MAT2B: variants seen among roughly 807,000 people sequenced by gnomAD.
The protein encoded by MAT2B is methionine adenosyltransferase 2 non-catalytic beta subunit, also known as methionine adenosyltransferase 2 subunit beta.
A neutral mutation model predicts 36.1 loss-of-function variants in MAT2B; 16 were observed. That is an observed-to-expected ratio of 0.44 (90% CI 0.30 to 0.67). The LOEUF (loss-of-function observed/expected upper bound fraction) is 0.67. Among genes scored for constraint, MAT2B ranks in the 30% least tolerant of loss-of-function variants. The pLI is 0.09. For missense variants in MAT2B, 332 were observed against 398.2 expected (o/e 0.83, Z 1.42); for synonymous variants, 148 against 136.9 (o/e 1.08, Z -0.57).
upstream of MAT2B, among the ~76,000 whole-genome samples, chr5:163,504,920 A>C (rs1383779331): frequency 6.6e-6 from 1 of 152,052 alleles, no homozygotes; most frequent in East Asian, 1.9e-4. Flanking sequence ...ACCCATTAAG[A>C]AGTCGGACCC....
At chr5:163,510,394 C>CTT (rs1270371144) in intron 1 of MAT2B, among the ~76,000 whole-genome samples, 3,947 of 121,700 alleles carry the variant, frequency 0.032, 355 homozygotes, top group African/African-American at 0.12. Flanking sequence ...TTAGTTTTAG[C>CTT]TTTTTTTTTT....
At chr5:163,503,344 C>T (rs1296102778), upstream of MAT2B, 1 of 1,576,890 alleles carries the variant, frequency 6.3e-7, no homozygotes, top group Non-Finnish European at 8.7e-7. Flanking sequence ...CAAGAGAAGG[C>T]AGAGGCTAAG....
At chr5:163,503,221 G>C, upstream of MAT2B, 1 of 622,822 alleles carries the variant, frequency 1.6e-6, no homozygotes, top group East Asian at 2.7e-5. Context: ...GTGGAGAACT[G>C]CACGAGATTC....
chr5:163,510,942 G>C (rs993809451), intron 1 of MAT2B, among the ~76,000 whole-genome samples: 3 of 152,198 alleles, frequency 2.0e-5, no homozygotes, highest in Non-Finnish European at 4.4e-5. Flanking sequence ...TATATTGGCA[G>C]ATTTGACGCA....
chr5:163,507,361 GATA>G (rs1348545872), intron 1 of MAT2B, among the ~76,000 whole-genome samples: 3 of 152,134 alleles, frequency 2.0e-5, no homozygotes, highest in Non-Finnish European at 4.4e-5. Flanking sequence ...GATTAGATAC[GATA>G]ATAAGAATAT....
intron 1 of MAT2B, among the ~76,000 whole-genome samples, chr5:163,509,323 AT>A (rs2113552345): frequency 6.6e-6 from 1 of 152,306 alleles, no homozygotes; most frequent in Non-Finnish European, 1.5e-5. Context: ...TACTGTTGTC[AT>A]TTTGAGAAAG....
intron 5 of MAT2B, 82 bp downstream of exon 5, chr5:163,516,793 G>A (rs756809184): frequency 9.7e-5 from 142 of 1,469,376 alleles, no homozygotes; most frequent in Non-Finnish European, 1.2e-4. Flanking sequence ...TGTACTTGGA[G>A]TGTTACTGAG....
At chr5:163,507,305 G>A (rs1759963723) in intron 1 of MAT2B, among the ~76,000 whole-genome samples, 1 of 152,184 alleles carries the variant, frequency 6.6e-6, no homozygotes, top group African/African-American at 2.4e-5. Flanking sequence ...GGACCATTTG[G>A]AAGGAGCCAT....
upstream of MAT2B, among the ~76,000 whole-genome samples, chr5:163,505,087 C>CT (rs1759905547): frequency 6.6e-6 from 1 of 151,828 alleles, no homozygotes; most frequent in Non-Finnish European, 1.5e-5. Flanking sequence ...CAGGTTTTTT[C>CT]TTTTTTTAAG....
In MAT2B at chr5:163,511,867, A is replaced by C; in HGVS notation, c.64-135A>C. On this transcript the variant is annotated intron_variant, in intron 1 of 6. Transcript: ENST00000321757. ...ATGCCCGACCCTAACTTAACTTTAG[A>C]ATTGGCTTGCAGATATGGGACATGA... The C allele has an allele frequency of 3.0e-6, 2 of 675,848 alleles. 1 individual carries two copies. The highest frequency in any genetic ancestry group is 4.0e-5 in the South Asian group (2 of 49,584). The allele number at this position is 675,848 out of a possible 1,614,324, so 41.9% of individuals were successfully genotyped here.
rs751613594 is a variant in MAT2B, at chr5:163,512,174, A to G, written c.236A>G (p.His79Arg). The G allele has an allele frequency of 3.1e-6, 5 of 1,614,050 alleles. No homozygotes were observed. The highest frequency in any genetic ancestry group is 4.2e-6 in the Non-Finnish European group (5 of 1,179,864). The change falls in exon 2 of 7, where the codon CAT (histidine) becomes CGT (arginine). Residue 79 changes from histidine to arginine, a missense_variant. His to Arg is a conservative substitution (Grantham distance 29). Transcript: ENST00000321757. Reference protein sequence around the residue: ...QVNLLDSNAVHHIIHDFQPHV... With the variant: ...QVNLLDSNAVRHIIHDFQPHV... ...AATCTGTTGGATTCTAATGCAGTTC[A>G]TCACATCATTCATGATTTTCAGGTA...
At chr5:163,509,977 T>G (rs1031216296) in intron 1 of MAT2B, among the ~76,000 whole-genome samples, 1 of 152,228 alleles carries the variant, frequency 6.6e-6, no homozygotes, top group Admixed American at 6.5e-5. Flanking sequence ...TCTTTTCATT[T>G]TACGTTTTTG....
In MAT2B at chr5:163,519,135, G is replaced by A. The variant is rs572663992; in HGVS notation, c.*772G>A. 2.6e-5 allele frequency: 4 copies of A among 152,024 alleles called. No homozygotes were observed. Among genetic ancestry groups the A allele is most frequent in the Non-Finnish European group, 5.9e-5 (4 of 67,996 alleles). 9.4% of individuals were successfully genotyped at this position (152,024 alleles called of 1,614,324 possible). ...ACCATTCATGAATAATAATAAATAT[G>A]TACTGCTGGCATGTAATGCTTAGTT... On this transcript the variant is annotated 3_prime_UTR_variant, in exon 7 of 7. Coordinates refer to ENST00000321757, the MANE Select transcript of MAT2B (RefSeq NM_013283.5).
chr5:163,507,840 T>C (rs1759970619), intron 1 of MAT2B, among the ~76,000 whole-genome samples: 1 of 152,222 alleles, frequency 6.6e-6, no homozygotes, highest in East Asian at 1.9e-4. Flanking sequence ...GAGTAATGCA[T>C]ATTCAGAGGA....
At chr5:163,505,436 T>C (rs1388463842), upstream of MAT2B, 8 of 939,258 alleles carry the variant, frequency 8.5e-6, no homozygotes, top group African/African-American at 1.7e-5. Flanking sequence ...GTCAGGGCCT[T>C]TCTTTTGTGT....
chr5:163,513,733 G>A (rs964945), intron 3 of MAT2B, 64 bp downstream of exon 3: 1,523,708 of 1,526,496 alleles, frequency 1, 760,500 homozygotes, highest in East Asian at 1. Context: ...TAGAAATTAA[G>A]GTTTTGTAGA....
upstream of MAT2B, among the ~76,000 whole-genome samples, chr5:163,505,373 T>G (rs1440211273): frequency 6.6e-6 from 1 of 152,194 alleles, no homozygotes; most frequent in Non-Finnish European, 1.5e-5. Flanking sequence ...AAAAGTAGAA[T>G]AAAAAGCACT....
chr5:163,505,137 ATT>A (rs565716376), upstream of MAT2B, among the ~76,000 whole-genome samples: 116 of 151,782 alleles, frequency 7.6e-4, no homozygotes, highest in African/African-American at 2.7e-3. Context: ...CAACCCTTTT[ATT>A]TTTATTCCTT....
chr5:163,516,264 G>A (rs149895108), intron 4 of MAT2B, among the ~76,000 whole-genome samples: 185 of 152,198 alleles, frequency 1.2e-3, no homozygotes, highest in Non-Finnish European at 1.9e-3. Flanking sequence ...TGCCCGGGCT[G>A]ATCTTGAACT....
Sources: allele counts gnomAD v4.1 joint callset (sites outside exome capture counted in the v4.1 genomes callset), GRCh38; gene constraint gnomAD v4.1.1; transcripts MANE v1.5; gene names NCBI Gene and HGNC (gene_info 2026-07-23, HGNC 2026-07-21).